The following SLC9A2 variants were observed in gnomAD, a reference collection of about 807,000 sequenced individuals.
SLC9A2 encodes sodium/hydrogen exchanger 2.
SLC9A2 carries 42 observed loss-of-function variants against 71.7 expected under a neutral mutation model. That is an observed-to-expected ratio of 0.59 (90% CI 0.46 to 0.76). The LOEUF (loss-of-function observed/expected upper bound fraction) is 0.76, where lower values mean the gene tolerates loss of function less well. SLC9A2 is among the 30% of genes least tolerant of loss of function. The probability of loss-of-function intolerance (pLI) is 0.00; values close to 1 mark genes in which losing one functional copy is unlikely to be tolerated. For synonymous variants in SLC9A2, 396 were observed against 392.5 expected (o/e 1.01, Z -0.10); for missense variants, 829 against 1,017.4 (o/e 0.81, Z 2.52).
At chr2:102,647,896 C>A (rs780880142) in intron 1 of SLC9A2, among the ~76,000 whole-genome samples, 1 of 152,100 alleles carries the variant, frequency 6.6e-6, no homozygotes, top group Non-Finnish European at 1.5e-5. Flanking sequence ...GATTCACAGC[C>A]AAACTCTATC....
At position 102,701,098 on chromosome 2, in the gene SLC9A2, C is replaced by T. The variant is rs371605244; in HGVS notation, c.1615C>T (p.Arg539Trp). 3 of 1,606,104 alleles carry T rather than the reference C, an allele frequency of 1.9e-6. No individual in the cohort carries two copies. The highest frequency in any genetic ancestry group is 2.2e-5 in the East Asian group (1 of 44,728). Residue 539 changes from arginine (R) to tryptophan (W), a missense_variant, in exon 8 of 12, where the codon CGG becomes TGG. By Grantham distance (101) the Arg-to-Trp change is moderately radical. Around this residue, in one of 3 missense-constraint regions of SLC9A2, gnomAD observed 500 missense variants for 726.3 expected, o/e 0.69. Coordinates refer to ENST00000233969, the MANE Select transcript of SLC9A2 (RefSeq NM_003048.6). Reference protein sequence around the residue: ...KFKKFDDKYLRKLLIRENQPK... With the variant: ...KFKKFDDKYLWKLLIRENQPK... ...TAAGAAGTTTGATGATAAATATCTG[C>T]GGAAGCTTTTGATTCGGGAAAACCA...
intron 7 of SLC9A2, among the ~76,000 whole-genome samples, chr2:102,697,179 C>T (rs572936339): frequency 6.6e-6 from 1 of 152,302 alleles, no homozygotes; most frequent in African/African-American, 2.4e-5. Flanking sequence ...TTCAAGATAT[C>T]TAGTGCTCCT....
intron 3 of SLC9A2, among the ~76,000 whole-genome samples, chr2:102,674,755 G>C (rs1677318310): frequency 6.6e-6 from 1 of 152,178 alleles, no homozygotes. Flanking sequence ...ATTTTTGAGA[G>C]GACAGGTGGG....
At chr2:102,676,577 T>C (rs1306898084) in intron 3 of SLC9A2, among the ~76,000 whole-genome samples, 1 of 152,248 alleles carries the variant, frequency 6.6e-6, no homozygotes, top group Non-Finnish European at 1.5e-5. Flanking sequence ...AAAAAGATTG[T>C]TCAGTTTTTA....
intron 7 of SLC9A2, among the ~76,000 whole-genome samples, chr2:102,698,947 C>A (rs1677818501): frequency 6.6e-6 from 1 of 152,048 alleles, no homozygotes; most frequent in African/African-American, 2.4e-5. Context: ...TTCATTCTAC[C>A]ACACGTGCTT....
intron 1 of SLC9A2, among the ~76,000 whole-genome samples, chr2:102,620,691 G>A (rs1305132698): frequency 6.6e-6 from 1 of 152,164 alleles, no homozygotes; most frequent in Admixed American, 6.5e-5. Context: ...CACTCTCCAG[G>A]AAGCTTTTGC....
intron 1 of SLC9A2, 32 bp from the exon 2 acceptor site, chr2:102,657,532 C>G (rs1256954766): frequency 6.7e-7 from 1 of 1,482,794 alleles, no homozygotes; most frequent in Non-Finnish European, 9.2e-7. Flanking sequence ...CTCCATAACC[C>G]AAGTTGTGTG....
At chr2:102,644,364 C>T (rs565655985) in intron 1 of SLC9A2, among the ~76,000 whole-genome samples, 6 of 152,276 alleles carry the variant, frequency 3.9e-5, no homozygotes, top group African/African-American at 7.2e-5. Flanking sequence ...CCAGGGCCCT[C>T]GGTTTCAAGC....
chr2:102,699,775 T>G (rs779604826), intron 7 of SLC9A2, among the ~76,000 whole-genome samples: 21 of 152,060 alleles, frequency 1.4e-4, no homozygotes, highest in Non-Finnish European at 2.1e-4. Flanking sequence ...CAGGGCTCAT[T>G]TCTTCTGAGG....
chr2:102,679,572 G>T (rs1044094762), intron 3 of SLC9A2, among the ~76,000 whole-genome samples: 9 of 151,794 alleles, frequency 5.9e-5, no homozygotes, highest in Non-Finnish European at 1.2e-4. Flanking sequence ...AGTAGACAGG[G>T]TTTCACCATG....
rs749694239 is a variant in SLC9A2, at chr2:102,702,370, T to C, written c.1749-36T>C. ...GAAAATCAATGATTCTAATATTTGT[T>C]GAAAGGTAAAATATTCTTTTTCTAA... On this transcript the variant is annotated intron_variant, in intron 8 of 11. Transcript: ENST00000233969. The C allele has an allele frequency of 1.9e-5, 22 of 1,129,200 alleles. No homozygotes were observed. In the Admixed American group the frequency reaches 4.6e-4, roughly 23 times the overall value. 69.9% of individuals were successfully genotyped at this position (1,129,200 alleles called of 1,614,324 possible).
At chr2:102,684,866 A>T (rs1424039118) in intron 5 of SLC9A2, among the ~76,000 whole-genome samples, 1 of 152,212 alleles carries the variant, frequency 6.6e-6, no homozygotes, top group African/African-American at 2.4e-5. Flanking sequence ...ATATTCATTT[A>T]TCAAATATTT....
chr2:102,683,173 A>G (rs963472000), intron 3 of SLC9A2, 88 bp from the exon 4 acceptor site: 1 of 847,354 alleles, frequency 1.2e-6, no homozygotes, highest in African/African-American at 1.7e-5. Context: ...AGAAGAGTAG[A>G]GCCATAATTT....
intron 5 of SLC9A2, among the ~76,000 whole-genome samples, chr2:102,686,136 G>A (rs1314698237): frequency 6.6e-6 from 1 of 152,178 alleles, no homozygotes; most frequent in Non-Finnish European, 1.5e-5. Context: ...ATGCAAATCT[G>A]AGCATCTTAC....
At chr2:102,644,426 C>T (rs1676675183) in intron 1 of SLC9A2, among the ~76,000 whole-genome samples, 1 of 152,064 alleles carries the variant, frequency 6.6e-6, no homozygotes, top group South Asian at 2.1e-4. Context: ...CAGGAGGCTC[C>T]CCCCCGCCCA....
chr2:102,649,348 T>C (rs1193638644), intron 1 of SLC9A2, among the ~76,000 whole-genome samples: 1 of 152,150 alleles, frequency 6.6e-6, no homozygotes, highest in Non-Finnish European at 1.5e-5. Context: ...GGCTTAAGTG[T>C]AAAACCTAAA....
chr2:102,623,861 T>C (rs1676192205), intron 1 of SLC9A2, among the ~76,000 whole-genome samples: 1 of 152,152 alleles, frequency 6.6e-6, no homozygotes, highest in Non-Finnish European at 1.5e-5. Context: ...GAATAACATT[T>C]GTAGGGGGTT....
At chr2:102,698,063 C>G (rs1038706530) in intron 7 of SLC9A2, among the ~76,000 whole-genome samples, 1 of 152,164 alleles carries the variant, frequency 6.6e-6, no homozygotes, top group African/African-American at 2.4e-5. Flanking sequence ...TGCCATTGTT[C>G]TTGGTGCTTG....
chr2:102,665,487 T>A, intron 3 of SLC9A2, 137 bp downstream of exon 3: 1 of 1,065,010 alleles, frequency 9.4e-7, no homozygotes, highest in Non-Finnish European at 1.3e-6. Context: ...TAAAAATAGA[T>A]TTTTCGGACG....
Sources: gnomAD v4.1 joint callset for allele counts (sites outside exome capture counted in the v4.1 genomes callset) on GRCh38, gnomAD v4.1.1 for gene constraint, gnomAD v4.1.1 regional missense constraint, MANE v1.5 for transcripts, NCBI Gene and HGNC (gene_info 2026-07-23, HGNC 2026-07-21) for gene names.